The following LAD1 variants were observed in gnomAD, a reference collection of about 807,000 sequenced individuals.
LAD1 encodes the protein ladinin-1.
Under a neutral mutation model 54.2 loss-of-function variants are expected in LAD1, and 53 were observed. The ratio of observed to expected loss-of-function variants is 0.98; its 90% confidence interval spans 0.78 to 1.23. The LOEUF is 1.23. Among genes scored for constraint, LAD1 ranks in the 50% most tolerant of loss-of-function variants. The pLI is 0.00. For missense variants in LAD1, 637 were observed against 653.3 expected (o/e 0.98, Z 0.27); for synonymous variants, 231 against 257.7 (o/e 0.90, Z 0.99).
intron 1 of LAD1, among the ~76,000 whole-genome samples, chr1:201,391,565 T>C (rs887040688): frequency 6.6e-6 from 1 of 152,184 alleles, no homozygotes; most frequent in Non-Finnish European, 1.5e-5. Flanking sequence ...CCTGGAGATA[T>C]TGACAATCCA....
At chr1:201,381,960 T>C in intron 9 of LAD1, 67 bp from the exon 10 acceptor site, 1 of 1,545,930 alleles carries the variant, frequency 6.5e-7, no homozygotes, top group Non-Finnish European at 8.9e-7. Context: ...AGGGGGCCAC[T>C]GGATAGGAAG....
chr1:201,388,489 C>T (rs905487850), intron 2 of LAD1, among the ~76,000 whole-genome samples: 1 of 151,904 alleles, frequency 6.6e-6, no homozygotes, highest in Non-Finnish European at 1.5e-5. Context: ...TCGAGACCAT[C>T]CTGGCCAACA....
chr1:201,383,633 C>T, intron 5 of LAD1: 1 of 543,578 alleles, frequency 1.8e-6, no homozygotes, highest in Non-Finnish European at 3.3e-6. Flanking sequence ...CATACCTTGT[C>T]ATTTCCACTG....
chr1:201,397,170 C>G (rs759004521), intron 1 of LAD1: 3 of 152,496 alleles, frequency 2.0e-5, no homozygotes, highest in Non-Finnish European at 4.4e-5. Context: ...TGGGACCGTG[C>G]TGTCACACCC....
intron 1 of LAD1, among the ~76,000 whole-genome samples, chr1:201,393,125 A>C (rs907235023): frequency 6.6e-6 from 1 of 152,106 alleles, no homozygotes; most frequent in Non-Finnish European, 1.5e-5. Context: ...GGTAGTGGGG[A>C]GGGACAAGAA....
rs951386285 is a variant in LAD1 at position 201,385,191 on chromosome 1, G to C, written c.1132-356C>G. ...CTCCAGGGCCTGGCACACATTAGAG[G>C]CATGATACCCAATGATTGAGTGAAT... On this transcript the variant is annotated intron_variant, in intron 4 of 9. Coordinates refer to ENST00000391967, the MANE Select transcript of LAD1 (RefSeq NM_005558.4). Among the ~76,000 whole-genome samples, 6 of 152,232 alleles carry C rather than the reference G, an allele frequency of 3.9e-5. No individual in the cohort carries two copies. In the East Asian group the frequency reaches 1.2e-3, roughly 29 times the overall value.
At chr1:201,392,926 G>T (rs1297803820) in intron 1 of LAD1, among the ~76,000 whole-genome samples, 1 of 152,160 alleles carries the variant, frequency 6.6e-6, no homozygotes, top group African/African-American at 2.4e-5. Flanking sequence ...GGGGAAAAGT[G>T]ATAGATTCGG....
intron 1 of LAD1, among the ~76,000 whole-genome samples, chr1:201,398,612 G>C (rs886542323): frequency 6.6e-6 from 1 of 152,214 alleles, no homozygotes; most frequent in African/African-American, 2.4e-5. Flanking sequence ...CTGATGGGAT[G>C]TCCAGCAGGC....
intron 1 of LAD1, among the ~76,000 whole-genome samples, chr1:201,390,449 A>G (rs565284833): frequency 2.0e-5 from 3 of 152,208 alleles, no homozygotes; most frequent in Non-Finnish European, 4.4e-5. Context: ...AGGCCAGAGA[A>G]TTGCTCGAAC....
chr1:201,387,129 A>G lies in LAD1; in HGVS notation c.232T>C (p.Ser78Pro). The G allele has an allele frequency of 6.4e-7, 1 of 1,555,578 alleles. No homozygotes were observed. Among genetic ancestry groups the G allele is most frequent in the South Asian group, 1.3e-5 (1 of 79,950 alleles). The part of the protein sequence containing the change: ...AEVPKPLPPA[S>P]KDEDEDIQSI... The stretch of plus-strand genomic sequence containing the variant: ...TGGATGTCCTCGTCCTCATCTTTGG[A>G]GGCTGGGGGCAGTGGCTTGGGCACC... Residue 78 changes from serine (S) to proline (P), a missense_variant, in exon 3 of 10, where the codon TCC (serine) becomes CCC (proline). Ser to Pro is a moderately conservative substitution (Grantham distance 74). Coordinates refer to ENST00000391967, the MANE Select transcript of LAD1 (RefSeq NM_005558.4).
At chr1:201,389,052 C>T in intron 2 of LAD1, 108 bp downstream of exon 2, 1 of 1,313,954 alleles carries the variant, frequency 7.6e-7, no homozygotes, top group Non-Finnish European at 1.1e-6. Context: ...TCACACCCTT[C>T]AGCCTCATTT....
intron 8 of LAD1, 92 bp from the exon 9 acceptor site, chr1:201,382,418 C>G: frequency 9.5e-7 from 1 of 1,048,800 alleles, no homozygotes; most frequent in Non-Finnish European, 1.5e-6. Context: ...CCCAGGATGT[C>G]CTTTCTCTTC....
At chr1:201,383,916 C>T (rs1234991994) in intron 5 of LAD1, among the ~76,000 whole-genome samples, 1 of 152,228 alleles carries the variant, frequency 6.6e-6, no homozygotes, top group Non-Finnish European at 1.5e-5. Flanking sequence ...CATGCTGTTC[C>T]CTCTATTTAA....
chr1:201,382,616 G>T (rs766017468), intron 8 of LAD1, 37 bp downstream of exon 8: 68 of 1,505,664 alleles, frequency 4.5e-5, no homozygotes, highest in Non-Finnish European at 5.9e-5. Context: ...CACCACAAAG[G>T]CTCCACAGTA....
chr1:201,385,846 C>T (rs373465873), intron 3 of LAD1, 41 bp from the exon 4 acceptor site: 862 of 1,458,276 alleles, frequency 5.9e-4, no homozygotes, highest in Non-Finnish European at 7.4e-4. Context: ...AGGTCTAGGG[C>T]CCATCAAGCC....
chr1:201,383,249 G>C (rs755130459), intron 6 of LAD1, 38 bp from the exon 7 acceptor site: 68 of 1,613,928 alleles, frequency 4.2e-5, no homozygotes, highest in Non-Finnish European at 5.3e-5. Context: ...CCCATGCTGG[G>C]GAGGGGAAAG....
At chr1:201,391,301 G>A (rs753807103) in intron 1 of LAD1, 3 of 372,014 alleles carry the variant, frequency 8.1e-6, no homozygotes, top group South Asian at 4.0e-5. Flanking sequence ...GGCCAAGCAG[G>A]CATTCTACAG....
In LAD1 at chr1:201,399,260, G is replaced by A. The variant is rs902393779; in HGVS notation, c.38+9C>T. ...CCCCCCGCCCCTCCCGGCTCCCTCC[G>A]GCGCTCACCTGGACAGCGCGGACCA... On this transcript the variant is annotated intron_variant, in intron 1 of 9. Transcript: ENST00000391967. The A allele has an allele frequency of 1.3e-6, 2 of 1,547,538 alleles. No homozygotes were observed. Among genetic ancestry groups the A allele is most frequent in the Admixed American group, 1.9e-5 (1 of 53,940 alleles).
intron 5 of LAD1, 114 bp downstream of exon 5, chr1:201,384,678 C>A: frequency 9.6e-7 from 1 of 1,045,122 alleles, no homozygotes; most frequent in Non-Finnish European, 1.5e-6. Flanking sequence ...AGGACTGCAC[C>A]TTCCCCTCAT....
Sources: gnomAD v4.1 joint callset for allele counts (sites outside exome capture counted in the v4.1 genomes callset) on GRCh38, gnomAD v4.1.1 for gene constraint, MANE v1.5 for transcripts, NCBI Gene and HGNC (gene_info 2026-07-23, HGNC 2026-07-21) for gene names.